Variants in CPEB4 observed in about 807,000 individuals in gnomAD.
CPEB4 encodes the protein cytoplasmic polyadenylation element-binding protein 4.
A neutral mutation model predicts 72.5 loss-of-function variants in CPEB4; 12 were observed. The observed-to-expected ratio is 0.17, with a 90% CI of 0.11 to 0.27. The LOEUF (loss-of-function observed/expected upper bound fraction) is 0.27. CPEB4 is among the 10% of genes least tolerant of loss of function. The pLI, the probability that CPEB4 is intolerant of heterozygous loss-of-function variation, is 1.00. For synonymous variants in CPEB4, 302 were observed against 326.3 expected (o/e 0.93, Z 0.80); for missense variants, 614 against 908.5 (o/e 0.68, Z 4.17).
At chr5:173,933,170 A>C (rs1241917828) in intron 3 of CPEB4, among the ~76,000 whole-genome samples, 2 of 152,188 alleles carry the variant, frequency 1.3e-5, no homozygotes, top group Admixed American at 1.3e-4. Flanking sequence ...CTTCTTTTCT[A>C]CTAATTTGCT....
chr5:173,944,792 C>T (rs1473797539), intron 4 of CPEB4, among the ~76,000 whole-genome samples, 175 bp from the exon 5 acceptor site: 1 of 152,174 alleles, frequency 6.6e-6, no homozygotes, highest in East Asian at 1.9e-4. Context: ...CTCTCTGACT[C>T]AGTTGGGACT....
chr5:173,888,769 A>G lies in CPEB4; in HGVS notation c.-965A>G, dbSNP rs963339946. 1.3e-5 allele frequency: 5 copies of G among 377,618 alleles called. No homozygotes were observed. The Admixed American group carries it at 2.3e-4, about 17-fold the overall frequency. 23.4% of individuals were successfully genotyped at this position (377,618 alleles called of 1,614,324 possible). On this transcript the variant is annotated 5_prime_UTR_variant, in exon 1 of 10. Coordinates refer to ENST00000265085, the MANE Select transcript of CPEB4 (RefSeq NM_030627.4). The surrounding 1 kb of genome is among the most constrained non-coding windows in gnomAD (Gnocchi z 4.3). ...CCCCTGGGTCCCATGAGGGAAAAAA[A>G]CCCCGGAGCCGCAGAGAGGGGAAGA... is the stretch of plus-strand genomic sequence containing the variant.
intron 2 of CPEB4, among the ~76,000 whole-genome samples, chr5:173,920,436 C>T (rs915046562): frequency 6.6e-6 from 1 of 152,188 alleles, no homozygotes; most frequent in Middle Eastern, 3.2e-3. Flanking sequence ...CTATAATATT[C>T]CAAATAATAA....
intron 5 of CPEB4, among the ~76,000 whole-genome samples, chr5:173,947,276 GTCTA>G (rs1413061675): frequency 6.6e-6 from 1 of 152,128 alleles, no homozygotes. Flanking sequence ...GGTCTTCCTT[GTCTA>G]TCATTTTTTC....
At chr5:173,917,306 T>C (rs1756902789) in intron 2 of CPEB4, among the ~76,000 whole-genome samples, 1 of 152,230 alleles carries the variant, frequency 6.6e-6, no homozygotes, top group Non-Finnish European at 1.5e-5. Flanking sequence ...TTAACCTTTT[T>C]CTATTTAAAT....
chr5:173,915,126 A>G (rs1382625028), intron 2 of CPEB4, among the ~76,000 whole-genome samples: 1 of 152,184 alleles, frequency 6.6e-6, no homozygotes, highest in Non-Finnish European at 1.5e-5. Context: ...AATGCGGTTA[A>G]AAAACTTTAT....
intron 2 of CPEB4, among the ~76,000 whole-genome samples, chr5:173,913,325 G>A (rs1756736190): frequency 1.3e-5 from 2 of 151,956 alleles, no homozygotes; most frequent in Non-Finnish European, 2.9e-5. Flanking sequence ...AGCCTCCCAA[G>A]CAGCTGGGAC....
rs759093561 is a variant in CPEB4, at chr5:173,898,086, T to C, written c.1125+7228T>C. Among the ~76,000 whole-genome samples, 156 of 152,326 alleles carry C rather than the reference T, an allele frequency of 1.0e-3. 3 individuals carry two copies. Among genetic ancestry groups the C allele is most frequent in the Middle Eastern group, 3.4e-3 (1 of 294 alleles). ...ATTGTAGGTTATTTTGGTTGGGCAA[T>C]TTCTATTTGCTAAAGATTTATCAGA... On this transcript the variant is annotated intron_variant, in intron 1 of 9. Coordinates refer to ENST00000265085, the MANE Select transcript of CPEB4 (RefSeq NM_030627.4).
Position 173,956,196 on chromosome 5 carries a change from T to C in CPEB4, c.*59T>C. 2.2e-6 allele frequency: 3 copies of C among 1,360,274 alleles called. No homozygotes were observed. The highest frequency in any genetic ancestry group is 4.6e-5 in the East Asian group (2 of 43,620). 84.3% of individuals were successfully genotyped at this position (1,360,274 alleles called of 1,614,324 possible). A position where few individuals can be genotyped will look rare whatever the true frequency, so the allele number is the denominator to read the frequency against. Reference sequence around the variant, plus strand: ...AATAAGTGCACTCTTCTGTTCATTCTGACCCCTTCCTCAACCTCTTCACGC... The same window carrying C: ...AATAAGTGCACTCTTCTGTTCATTCCGACCCCTTCCTCAACCTCTTCACGC... On this transcript the variant is annotated 3_prime_UTR_variant, in exon 10 of 10. Transcript: ENST00000265085.
chr5:173,938,173 C>T (rs554204032), intron 3 of CPEB4, among the ~76,000 whole-genome samples: 3 of 152,192 alleles, frequency 2.0e-5, no homozygotes, highest in South Asian at 2.1e-4. Context: ...TTTCTACACT[C>T]CTCTCCCCAT....
chr5:173,949,857 C>T, intron 6 of CPEB4, 103 bp from the exon 7 acceptor site: 1 of 847,740 alleles, frequency 1.2e-6, no homozygotes, highest in Admixed American at 2.3e-5. Context: ...AATTTTTTTC[C>T]TATTCCTTTT....
At position 173,950,469 on chromosome 5, in the gene CPEB4, G is replaced by A. The variant is rs972808256; in HGVS notation, c.1665+391G>A. ...AAAATACAAAAATTAGCCAGGCATGGTGGCGCACATCTGTAGTCCCAGCTA... is the reference window on the plus strand; with the variant it reads ...AAAATACAAAAATTAGCCAGGCATGATGGCGCACATCTGTAGTCCCAGCTA... On this transcript the variant is annotated intron_variant, in intron 7 of 9. Transcript: ENST00000265085. The surrounding 1 kb of genome is among the most constrained non-coding windows in gnomAD (Gnocchi z 5.0). 3.3e-5 allele frequency among the ~76,000 whole-genome samples: 5 copies of A among 152,064 alleles called. No individual in the cohort carries two copies. Among genetic ancestry groups the A allele is most frequent in the South Asian group, 2.1e-4 (1 of 4,824 alleles).
chr5:173,917,848 T>C (rs1756927976), intron 2 of CPEB4, among the ~76,000 whole-genome samples: 2 of 152,340 alleles, frequency 1.3e-5, no homozygotes, highest in African/African-American at 4.8e-5. Flanking sequence ...TCTGGCGAAT[T>C]GAGGGATCTT....
rs1390071693 is a variant in CPEB4 at position 173,958,215 on chromosome 5, G to A, written c.*2078G>A. The A allele has an allele frequency of 2.6e-5, 4 of 152,570 alleles. No individual in the cohort carries two copies. Among genetic ancestry groups the A allele is most frequent in the Admixed American group, 6.6e-5 (1 of 15,252 alleles). The allele number at this position is 152,570 out of a possible 1,614,324, so 9.5% of individuals were successfully genotyped here. A position where few individuals can be genotyped will look rare whatever the true frequency, so the allele number is the denominator to read the frequency against. Reference sequence around the variant, plus strand: ...CTTTGTACATGACCTGCTGAATTTCGGTACAGTGTTTTTGTAGCTAACTTA... The same window carrying A: ...CTTTGTACATGACCTGCTGAATTTCAGTACAGTGTTTTTGTAGCTAACTTA... On this transcript the variant is annotated 3_prime_UTR_variant, in exon 10 of 10. Transcript: ENST00000265085.
At chr5:173,905,018 A>ATG (rs1353300223) in intron 1 of CPEB4, among the ~76,000 whole-genome samples, 117 of 36,786 alleles carry the variant, frequency 3.2e-3, no homozygotes, top group African/African-American at 0.012. Flanking sequence ...AATAATAATA[A>ATG]AAAAATGTAA....
At chr5:173,896,082 C>A (rs1024990705) in intron 1 of CPEB4, among the ~76,000 whole-genome samples, 3 of 152,148 alleles carry the variant, frequency 2.0e-5, no homozygotes, top group Admixed American at 1.3e-4. Flanking sequence ...TTGAATTTGA[C>A]AGTTTCAGTT....
At chr5:173,908,307 G>T (rs1756517610) in intron 1 of CPEB4, among the ~76,000 whole-genome samples, 1 of 152,158 alleles carries the variant, frequency 6.6e-6, no homozygotes, top group Admixed American at 6.5e-5. Flanking sequence ...TGAGGATAAT[G>T]AGGAAAGAAT....
At chr5:173,916,681 G>A (rs987422935) in intron 2 of CPEB4, among the ~76,000 whole-genome samples, 1 of 152,144 alleles carries the variant, frequency 6.6e-6, no homozygotes, top group African/African-American at 2.4e-5. Context: ...TGAAACAAAT[G>A]CTTAAATGAG....
At chr5:173,890,942 C>T in intron 1 of CPEB4, 84 bp downstream of exon 1, 4 of 1,279,884 alleles carry the variant, frequency 3.1e-6, no homozygotes, top group Non-Finnish European at 3.2e-6. Flanking sequence ...TTGAAGTGCC[C>T]GTATTCACAT....
Sources: allele counts gnomAD v4.1 joint callset (sites outside exome capture counted in the v4.1 genomes callset), GRCh38; gene constraint gnomAD v4.1.1; non-coding constraint Gnocchi (gnomAD v3.1); transcripts MANE v1.5; gene names NCBI Gene and HGNC (gene_info 2026-07-23, HGNC 2026-07-21).